The following ELP4 variants were observed in gnomAD, a reference collection of about 807,000 sequenced individuals.
ELP4 encodes the protein elongator complex protein 4.
Under a neutral mutation model 48.9 loss-of-function variants are expected in ELP4, and 51 were observed. The observed-to-expected ratio is 1.04, with a 90% CI of 0.83 to 1.32. ELP4 has a LOEUF of 1.32. ELP4 is among the 40% of genes most tolerant of loss of function. The probability of loss-of-function intolerance (pLI) is 0.00; values close to 1 mark genes in which losing one functional copy is unlikely to be tolerated. For missense variants in ELP4, 519 were observed against 514.6 expected, an observed-to-expected ratio of 1.01 and a Z score of -0.08; for synonymous variants, 210 against 189.2, an observed-to-expected ratio of 1.11 and a Z score of -0.90.
intron 3 of ELP4, among the ~76,000 whole-genome samples, chr11:31,566,557 C>G (rs1223054209): frequency 1.3e-5 from 2 of 152,124 alleles, no homozygotes; most frequent in African/African-American, 4.8e-5. Flanking sequence ...CGCTGGTTAA[C>G]TTACTAGCAT....
At chr11:31,576,342 G>C (rs1312711534) in intron 3 of ELP4, among the ~76,000 whole-genome samples, 13 of 152,194 alleles carry the variant, frequency 8.5e-5, no homozygotes, top group Admixed American at 3.9e-4. Flanking sequence ...AATAATAATG[G>C]GAGACTTTAA....
chr11:31,766,868 G>T (rs926035580), intron 9 of ELP4, among the ~76,000 whole-genome samples: 4 of 151,828 alleles, frequency 2.6e-5, no homozygotes, highest in Admixed American at 2.6e-4. Flanking sequence ...TATCCCTTTA[G>T]CACATAAGCT....
At chr11:31,774,763 G>T (rs1948212425) in intron 9 of ELP4, among the ~76,000 whole-genome samples, 1 of 152,168 alleles carries the variant, frequency 6.6e-6, no homozygotes, top group African/African-American at 2.4e-5. Context: ...TAGGTAGGTG[G>T]TAGAACTTCA....
chr11:31,677,807 A>G (rs1407854315), intron 9 of ELP4, among the ~76,000 whole-genome samples: 2 of 152,204 alleles, frequency 1.3e-5, no homozygotes, highest in Non-Finnish European at 2.9e-5. Context: ...AATATCTTGC[A>G]TTAGAGTGGA....
intron 3 of ELP4, among the ~76,000 whole-genome samples, chr11:31,587,074 A>G (rs762757689): frequency 2.0e-5 from 3 of 152,274 alleles, no homozygotes; most frequent in Non-Finnish European, 4.4e-5. Context: ...ATTACTCTGT[A>G]TTCTTTCCCT....
At chr11:31,705,044 A>C (rs190018993) in intron 9 of ELP4, among the ~76,000 whole-genome samples, 5 of 152,212 alleles carry the variant, frequency 3.3e-5, no homozygotes, top group African/African-American at 1.2e-4. Context: ...ATATGACTTA[A>C]GGATTATTTT....
intron 9 of ELP4, among the ~76,000 whole-genome samples, chr11:31,776,036 AGTT>A (rs1948239455): frequency 6.6e-6 from 1 of 151,166 alleles, no homozygotes; most frequent in Non-Finnish European, 1.5e-5. Context: ...CTGCGGTCCC[AGTT>A]GTTTGGGAGG....
chr11:31,723,687 A>C (rs1465359003), intron 9 of ELP4, among the ~76,000 whole-genome samples: 2 of 152,218 alleles, frequency 1.3e-5, no homozygotes, highest in African/African-American at 2.4e-5. Flanking sequence ...CTGATACCCA[A>C]GATCACTGTG....
chr11:31,646,975 A>G (rs980236298), intron 7 of ELP4: 5 of 151,816 alleles, frequency 3.3e-5, no homozygotes, highest in Admixed American at 3.3e-4. Context: ...TGGACATACT[A>G]TGTTTATAAA....
At chr11:31,603,181 A>T (rs541686156) in intron 4 of ELP4, among the ~76,000 whole-genome samples, 2 of 151,860 alleles carry the variant, frequency 1.3e-5, no homozygotes, top group East Asian at 3.9e-4. Flanking sequence ...CCACTTTATC[A>T]TGTGCCTTGT....
intron 9 of ELP4, among the ~76,000 whole-genome samples, chr11:31,660,400 G>A (rs927130932): frequency 2.6e-5 from 4 of 152,180 alleles, no homozygotes; most frequent in Non-Finnish European, 5.9e-5. Flanking sequence ...CAGTGCTATA[G>A]CATGAAGTGG....
At chr11:31,608,229 G>A (rs1160132551) in intron 5 of ELP4, among the ~76,000 whole-genome samples, 1 of 152,022 alleles carries the variant, frequency 6.6e-6, no homozygotes, top group African/African-American at 2.4e-5. Context: ...AGTGGGTGGT[G>A]TTGGAGGGGA....
intron 9 of ELP4, among the ~76,000 whole-genome samples, chr11:31,775,561 G>A (rs537410305): frequency 2.0e-5 from 3 of 152,290 alleles, no homozygotes; most frequent in South Asian, 4.2e-4. Flanking sequence ...CAGGATGGAC[G>A]TGGTAACTGA....
At chr11:31,642,721 T>C (rs1945125267) in intron 7 of ELP4, among the ~76,000 whole-genome samples, 1 of 151,860 alleles carries the variant, frequency 6.6e-6, no homozygotes, top group Non-Finnish European at 1.5e-5. Flanking sequence ...CATCAGTTTA[T>C]TACAAATATT....
At chr11:31,718,114 A>G (rs1045452502) in intron 9 of ELP4, among the ~76,000 whole-genome samples, 3 of 152,172 alleles carry the variant, frequency 2.0e-5, no homozygotes, top group Non-Finnish European at 4.4e-5. Flanking sequence ...CTCTCTTTTC[A>G]TATGTGCTAC....
Position 31,509,850 on chromosome 11 carries a change from C to T in ELP4, c.66C>T (p.Ser22=), listed in dbSNP as rs375905355. 28 of 1,614,168 alleles carry T rather than the reference C, an allele frequency of 1.7e-5. No homozygotes were observed. Among genetic ancestry groups the T allele is most frequent in the Non-Finnish European group, 2.4e-5 (28 of 1,180,034 alleles). ...CTGGGTCTGCAGTGGCGACAGCCAG[C>T]AAGAGCAACGTCACCAGTTTCCAGA... ...ASTGSAVATA[S]KSNVTSFQRR... The change falls in exon 1 of 10, where the codon AGC becomes AGT. Residue 22 remains serine, a synonymous_variant. Transcript: ENST00000640961.
chr11:31,570,939 A>G (rs1957184117), intron 3 of ELP4, among the ~76,000 whole-genome samples: 1 of 151,316 alleles, frequency 6.6e-6, no homozygotes, highest in Non-Finnish European at 1.5e-5. Context: ...AGCTGGGACT[A>G]CAGGCGCACG....
In ELP4 at chr11:31,647,731, TG is replaced by T. The variant is rs1470442844; in HGVS notation, c.928-9del. ...ATTTAACGTTACTGTTTTGTTTCCATGTTTTGCAGAATAAAGCCATTATTGC... is the reference window on the plus strand; with the variant it reads ...ATTTAACGTTACTGTTTTGTTTCCATTTTTGCAGAATAAAGCCATTATTGC... On this transcript the variant is annotated splice_polypyrimidine_tract_variant and intron_variant, in intron 7 of 9. Transcript: ENST00000640961. 40 of 1,534,772 alleles carry T rather than the reference TG, an allele frequency of 2.6e-5. No individual in the cohort carries two copies. The highest frequency in any genetic ancestry group is 3.5e-5 in the Non-Finnish European group (39 of 1,109,022).
At chr11:31,764,430 T>A (rs1948004877) in intron 9 of ELP4, among the ~76,000 whole-genome samples, 1 of 152,192 alleles carries the variant, frequency 6.6e-6, no homozygotes, top group Admixed American at 6.5e-5. Context: ...TGTGTGAAAT[T>A]TAATTACACA....
Sources: allele counts gnomAD v4.1 joint callset (sites outside exome capture counted in the v4.1 genomes callset), GRCh38; gene constraint gnomAD v4.1.1; transcripts MANE v1.5; gene names NCBI Gene and HGNC (gene_info 2026-07-23, HGNC 2026-07-21).